The following PEMT variants were observed in gnomAD, a reference collection of about 807,000 sequenced individuals.
PEMT encodes the protein phosphatidylethanolamine N-methyltransferase.
In PEMT, 23 loss-of-function variants were observed where a neutral mutation model predicts 27.4. The ratio of observed to expected loss-of-function variants is 0.84; its 90% CI spans 0.60 to 1.19. The LOEUF is 1.19. PEMT is among the 50% of genes most tolerant of loss of function. The pLI, the probability that PEMT is intolerant of heterozygous loss-of-function variation, is 0.00. For missense variants in PEMT, 307 were observed against 310.1 expected, an observed-to-expected ratio of 0.99 and a Z score of 0.07; for synonymous variants, 137 against 139.1, an observed-to-expected ratio of 0.98 and a Z score of 0.11.
rs568227994 is a variant in PEMT, at chr17:17,549,664, T to C, written c.204+27256A>G. ...GAACACTTTTAGATTTTCAGGAAAG[T>C]TGCAAAAACAGCACAGGGCAGGCCT... is the stretch of plus-strand genomic sequence containing the variant. On this transcript the variant is annotated intron_variant, in intron 2 of 6. Coordinates refer to ENST00000255389, the MANE Select transcript of PEMT (RefSeq NM_148172.3). Among the ~76,000 whole-genome samples, 19 of 152,316 alleles carry C rather than the reference T, an allele frequency of 1.2e-4. No homozygotes were observed. The East Asian group carries it at 2.7e-3, about 22-fold the overall frequency.
chr17:17,551,348 T>C (rs774905461), intron 2 of PEMT, among the ~76,000 whole-genome samples: 1 of 152,186 alleles, frequency 6.6e-6, no homozygotes, highest in Non-Finnish European at 1.5e-5. Flanking sequence ...TTTTAAAATT[T>C]TGAACATAAT....
intron 1 of PEMT, among the ~76,000 whole-genome samples, chr17:17,586,224 GA>G: frequency 2.1e-5 from 1 of 48,160 alleles, no homozygotes; most frequent in Non-Finnish European, 3.9e-5. Context: ...GAAAAAGAAA[GA>G]AAGAAAGAAA....
chr17:17,589,773 TTC>T (rs1405327633), intron 1 of PEMT, among the ~76,000 whole-genome samples: 1 of 152,208 alleles, frequency 6.6e-6, no homozygotes, highest in Admixed American at 6.5e-5. Context: ...GTTTCTTTCT[TTC>T]TTTCTTTAAG....
chr17:17,525,304 A>C (rs1400716354), intron 2 of PEMT, among the ~76,000 whole-genome samples: 2 of 152,204 alleles, frequency 1.3e-5, no homozygotes, highest in Non-Finnish European at 2.9e-5. Flanking sequence ...CCCATGTGGG[A>C]AAGAAAAAGA....
rs544600611 is a variant in PEMT, at chr17:17,520,676, T to A, written c.320+1604A>T. ...GAAAAGCCCTCTCTGGGGAAGCCTC[T>A]TCACATCATTCAACCCAGGGCAGGT... On this transcript the variant is annotated intron_variant, in intron 3 of 6. Coordinates refer to ENST00000255389, the MANE Select transcript of PEMT (RefSeq NM_148172.3). 1.1e-4 allele frequency among the ~76,000 whole-genome samples: 16 copies of A among 152,330 alleles called. 1 individual carries two copies. The South Asian group carries it at 2.9e-3, about 28-fold the overall frequency.
intron 2 of PEMT, among the ~76,000 whole-genome samples, chr17:17,573,893 T>C (rs1219366677): frequency 2.0e-5 from 3 of 152,158 alleles, no homozygotes; most frequent in African/African-American, 4.8e-5. Context: ...GTGATTCTCC[T>C]ACCTCAGCCA....
chr17:17,541,760 G>A (rs565935590), intron 2 of PEMT, among the ~76,000 whole-genome samples: 20 of 152,358 alleles, frequency 1.3e-4, no homozygotes, highest in African/African-American at 3.4e-4. Flanking sequence ...CCTGCCCAGG[G>A]TGTCTGCAGC....
intron 2 of PEMT, among the ~76,000 whole-genome samples, chr17:17,555,038 C>T (rs1375243211): frequency 6.6e-6 from 1 of 152,164 alleles, no homozygotes; most frequent in African/African-American, 2.4e-5. Context: ...CACACACATG[C>T]ATGAGCACTA....
At position 17,512,311 on chromosome 17, in the gene PEMT, T is replaced by C. The variant is rs985688362; in HGVS notation, c.466+198A>G. On this transcript the variant is annotated intron_variant, in intron 4 of 6. Transcript: ENST00000255389. The surrounding 1 kb of genome is among the most constrained non-coding windows in gnomAD (Gnocchi z 6.3). Reference sequence around the variant, plus strand: ...GAGGCAGCCGCTCAGCACGCTGGGGTAAGAGGAGCTGTTGGAGCCCAGCCT... The same window carrying C: ...GAGGCAGCCGCTCAGCACGCTGGGGCAAGAGGAGCTGTTGGAGCCCAGCCT... 3.9e-5 allele frequency among the ~76,000 whole-genome samples: 6 copies of C among 151,990 alleles called. No individual in the cohort carries two copies. The highest frequency in any genetic ancestry group is 1.5e-4 in the African/African-American group (6 of 41,350).
chr17:17,528,192 C>T (rs941116809), intron 2 of PEMT, among the ~76,000 whole-genome samples: 2 of 152,240 alleles, frequency 1.3e-5, no homozygotes, highest in African/African-American at 4.8e-5. Context: ...TCCAAGCTTC[C>T]TTCTGCCTTC....
chr17:17,564,122 G>A (rs1463992298), intron 2 of PEMT, among the ~76,000 whole-genome samples: 1 of 152,212 alleles, frequency 6.6e-6, no homozygotes, highest in Non-Finnish European at 1.5e-5. Flanking sequence ...GGTGGGTCAG[G>A]GGGAAGGAGA....
upstream of PEMT, chr17:17,591,965 ACCTGGCGTCCCTGCCCTTG>A (rs1912614115): frequency 2.0e-6 from 2 of 985,256 alleles, no homozygotes; most frequent in Non-Finnish European, 2.4e-6. Flanking sequence ...CCTGTAACTG[ACCTGGCGTCCCTGCCCTTG>A]CCTGGCGGCG....
chr17:17,535,334 G>A (rs1421028824), intron 2 of PEMT, among the ~76,000 whole-genome samples: 1 of 152,152 alleles, frequency 6.6e-6, no homozygotes, highest in Non-Finnish European at 1.5e-5. Flanking sequence ...TTGGGAGGCC[G>A]AGGCGGGTGG....
intron 1 of PEMT, chr17:17,577,603 A>G (rs905589881): frequency 1.6e-5 from 12 of 746,586 alleles, no homozygotes; most frequent in Non-Finnish European, 1.8e-5. Flanking sequence ...CCCCGCCATC[A>G]TCTTGCATGA....
At chr17:17,511,238 C>G (rs915633594) in intron 4 of PEMT, among the ~76,000 whole-genome samples, 1 of 152,280 alleles carries the variant, frequency 6.6e-6, no homozygotes, top group Non-Finnish European at 1.5e-5. Context: ...CCTACCTGCC[C>G]GCACCTGCCC....
At chr17:17,576,645 G>A (rs576383335) in intron 2 of PEMT, among the ~76,000 whole-genome samples, 49 of 152,304 alleles carry the variant, frequency 3.2e-4, no homozygotes, top group African/African-American at 9.1e-4. Context: ...CCATGGCAGC[G>A]TTCTCCTGCA....
chr17:17,575,387 T>C (rs888667268), intron 2 of PEMT, among the ~76,000 whole-genome samples: 2 of 152,242 alleles, frequency 1.3e-5, no homozygotes, highest in Non-Finnish European at 2.9e-5. Flanking sequence ...GTGTGTGCCA[T>C]ATAAGAGACC....
At chr17:17,540,569 C>T (rs755152115) in intron 2 of PEMT, among the ~76,000 whole-genome samples, 36 of 152,154 alleles carry the variant, frequency 2.4e-4, no homozygotes, top group Non-Finnish European at 4.3e-4. Flanking sequence ...CCCCAGAACC[C>T]GCGTCTACTT....
chr17:17,585,060 A>G (rs1325431846), intron 1 of PEMT, among the ~76,000 whole-genome samples: 1 of 152,214 alleles, frequency 6.6e-6, no homozygotes, highest in Admixed American at 6.5e-5. Flanking sequence ...GTGAGTGGCC[A>G]GGCGCGGTGG....
Sources: allele counts gnomAD v4.1 joint callset (sites outside exome capture counted in the v4.1 genomes callset), GRCh38; gene constraint gnomAD v4.1.1; non-coding constraint Gnocchi (gnomAD v3.1); transcripts MANE v1.5; gene names NCBI Gene and HGNC (gene_info 2026-07-23, HGNC 2026-07-21).